The following FANCB variants were observed in gnomAD, a reference collection of about 807,000 sequenced individuals.
FANCB encodes FA complementation group B.
In FANCB, 5 loss-of-function variants were observed where a neutral mutation model predicts 38.9. The observed-to-expected ratio is 0.13, with a 90% CI of 0.07 to 0.27. The LOEUF (loss-of-function observed/expected upper bound fraction) is 0.27, where lower values mean the gene tolerates loss of function less well. FANCB is among the 10% of genes least tolerant of loss of function. The pLI, the probability that FANCB is intolerant of heterozygous loss-of-function variation, is 1.00. For synonymous variants in FANCB, 236 were observed against 215.4 expected, an observed-to-expected ratio of 1.10 and a Z score of -0.84; for missense variants, 573 against 602.7, an observed-to-expected ratio of 0.95 and a Z score of 0.52.
At chrX:14,740,812 C>G in the FANCB span, among the ~76,000 whole-genome samples, 1 of 111,989 alleles carries the variant, frequency 8.9e-6, no homozygotes, top group African/African-American at 3.2e-5. Flanking sequence ...ATCAGAGAAG[C>G]CTTCTCTGAC....
intron 7 of FANCB, among the ~76,000 whole-genome samples, chrX:14,849,130 C>A (rs2092390100): frequency 1.8e-5 from 2 of 111,847 alleles, no homozygotes; most frequent in Admixed American, 1.9e-4. Context: ...TAAAATCAGG[C>A]AAGTATCATT....
chrX:14,830,757 T>C, the FANCB span, among the ~76,000 whole-genome samples: 1 of 111,728 alleles, frequency 9.0e-6, no homozygotes, highest in Non-Finnish European at 1.9e-5. Context: ...TCCTTCAAGA[T>C]TCCCCATGTG....
intron 2 of FANCB, among the ~76,000 whole-genome samples, chrX:14,868,076 G>A (rs756056196): frequency 3.6e-5 from 4 of 111,549 alleles, no homozygotes; most frequent in African/African-American, 6.5e-5. Context: ...TGGCAAGCAC[G>A]TGGAGAAAAA....
intron 5 of FANCB, among the ~76,000 whole-genome samples, chrX:14,856,759 C>G (rs1407155642): frequency 1.8e-5 from 2 of 111,449 alleles, no homozygotes; most frequent in Non-Finnish European, 3.8e-5. Flanking sequence ...ACTAGCGTGG[C>G]CTCCTCTTTA....
chrX:14,835,315 C>G (rs149373859), downstream of FANCB: 865 of 494,672 alleles, frequency 1.7e-3, 9 homozygotes, highest in African/African-American at 0.017. Context: ...TCCATCGAAT[C>G]TTCCATCAGG....
intron 5 of FANCB, 44 bp downstream of exon 5, chrX:14,857,818 G>GA (rs756958880): frequency 1.2e-6 from 1 of 864,971 alleles, no homozygotes; most frequent in South Asian, 2.0e-5. Context: ...CCTTCATTTA[G>GA]AATAACACTA....
At chrX:14,796,451 T>C in the FANCB span, among the ~76,000 whole-genome samples, 1 of 99,176 alleles carries the variant, frequency 1.0e-5, no homozygotes, top group Non-Finnish European at 2.0e-5. Context: ...ATTGATTCTA[T>C]ATATATAACA....
the FANCB span, among the ~76,000 whole-genome samples, chrX:14,802,503 C>T: frequency 3.6e-5 from 4 of 111,248 alleles, no homozygotes; most frequent in African/African-American, 1.3e-4. Flanking sequence ...ATCAGATTTG[C>T]AATATAGAAA....
the FANCB span, among the ~76,000 whole-genome samples, chrX:14,714,852 G>A: frequency 1.8e-5 from 2 of 112,041 alleles, no homozygotes; most frequent in Non-Finnish European, 3.8e-5. Flanking sequence ...CGGATGTTTG[G>A]TAATTACTAT....
chrX:14,696,926 G>A, the FANCB span, among the ~76,000 whole-genome samples: 6 of 111,707 alleles, frequency 5.4e-5, no homozygotes, highest in Non-Finnish European at 9.4e-5. Flanking sequence ...AAGTCTTGGG[G>A]GGAGTTGAAG....
At chrX:14,749,853 C>T in the FANCB span, among the ~76,000 whole-genome samples, 1 of 111,990 alleles carries the variant, frequency 8.9e-6, no homozygotes, top group Non-Finnish European at 1.9e-5. Context: ...TGTCCTATGT[C>T]ACAAAGCTTC....
At chrX:14,810,680 C>A in the FANCB span, among the ~76,000 whole-genome samples, 1 of 111,851 alleles carries the variant, frequency 8.9e-6, no homozygotes, top group African/African-American at 3.2e-5. Flanking sequence ...AAGACCAAAT[C>A]TACGTCTGAT....
In FANCB at chrX:14,858,203, CCA is replaced by C. The variant is rs10550225; in HGVS notation, c.1105-251_1105-250del. On this transcript the variant is annotated intron_variant, in intron 4 of 9. Coordinates refer to ENST00000650831, the MANE Select transcript of FANCB (RefSeq NM_001018113.3). ...GGTCAGGAGTTCCAGACCAGCCTGC[CCA>C]CAACATGGTGAAACCCTGTCTCTAC... 3.0e-3 allele frequency among the ~76,000 whole-genome samples: 337 copies of C among 110,523 alleles called. 1 individual carries two copies. Among genetic ancestry groups the C allele is most frequent in the African/African-American group, 1.0e-2 (303 of 30,433 alleles).
the FANCB span, among the ~76,000 whole-genome samples, chrX:14,818,788 C>A: frequency 2.7e-5 from 3 of 110,860 alleles, no homozygotes; most frequent in Non-Finnish European, 5.7e-5. Flanking sequence ...ATTATGGAGA[C>A]GTTTTACATT....
At chrX:14,779,317 G>T in the FANCB span, among the ~76,000 whole-genome samples, 2 of 112,422 alleles carry the variant, frequency 1.8e-5, no homozygotes, top group African/African-American at 3.2e-5. Context: ...GGGCCAGGGA[G>T]GTTGGAGTGC....
the FANCB span, among the ~76,000 whole-genome samples, chrX:14,788,733 T>C: frequency 1.7e-4 from 19 of 112,315 alleles, no homozygotes; most frequent in East Asian, 3.6e-3. Context: ...AGTTCCTCAG[T>C]TGCATTAGCC....
the FANCB span, among the ~76,000 whole-genome samples, chrX:14,826,748 T>A: frequency 5.3e-5 from 6 of 112,456 alleles, no homozygotes; most frequent in Non-Finnish European, 3.8e-5. Context: ...GTCTTTTAAC[T>A]TATGTTGTTG....
At chrX:14,809,358 G>A in the FANCB span, among the ~76,000 whole-genome samples, 2 of 112,510 alleles carry the variant, frequency 1.8e-5, no homozygotes, top group South Asian at 3.7e-4. Context: ...CACTGTGTGC[G>A]AGCTGAAGCA....
chrX:14,861,531 T>C (rs1331676062), intron 3 of FANCB, among the ~76,000 whole-genome samples: 1 of 111,529 alleles, frequency 9.0e-6, no homozygotes, highest in Non-Finnish European at 1.9e-5. Context: ...CTTCTATTGC[T>C]TTCTATTTTG....
Sources: allele counts gnomAD v4.1 joint callset (sites outside exome capture counted in the v4.1 genomes callset), GRCh38; gene constraint gnomAD v4.1.1; transcripts MANE v1.5; gene names NCBI Gene and HGNC (gene_info 2026-07-23, HGNC 2026-07-21).